Variants in DOCK3 observed in about 807,000 individuals in gnomAD.
DOCK3 encodes the protein dedicator of cytokinesis 3, also known as dedicator of cytokinesis protein 3.
A neutral mutation model predicts 265.6 loss-of-function variants in DOCK3; 60 were observed. The ratio of observed to expected loss-of-function variants is 0.23; its 90% CI spans 0.18 to 0.28. The LOEUF (loss-of-function observed/expected upper bound fraction) is 0.28. DOCK3 is among the 10% of genes least tolerant of loss of function. DOCK3 has a pLI of 1.00. For synonymous variants in DOCK3, 881 were observed against 938.0 expected, an observed-to-expected ratio of 0.94 and a Z score of 1.11; for missense variants, 1,981 against 2,594.3, an observed-to-expected ratio of 0.76 and a Z score of 5.14.
chr3:50,817,610 C>T (rs753525236), intron 2 of DOCK3, among the ~76,000 whole-genome samples: 22 of 152,060 alleles, frequency 1.4e-4, no homozygotes, highest in Non-Finnish European at 3.1e-4. Context: ...TTTTCATTTT[C>T]TAAGAGCATT....
At chr3:50,977,877 G>T (rs900637536) in intron 5 of DOCK3, among the ~76,000 whole-genome samples, 2 of 151,224 alleles carry the variant, frequency 1.3e-5, no homozygotes, top group African/African-American at 2.4e-5. Flanking sequence ...TTCCCTTCTC[G>T]CTTCATTTCA....
At chr3:51,016,544 TA>T (rs1309741697) in intron 5 of DOCK3, among the ~76,000 whole-genome samples, 1 of 16,082 alleles carries the variant, frequency 6.2e-5, no homozygotes, top group Non-Finnish European at 8.6e-5. Context: ...ATGATATATA[TA>T]TTTATATATA....
intron 5 of DOCK3, among the ~76,000 whole-genome samples, chr3:51,049,772 G>GT (rs1461582325): frequency 6.6e-6 from 1 of 151,002 alleles, no homozygotes; most frequent in Non-Finnish European, 1.5e-5. Flanking sequence ...ATGACCTTAT[G>GT]TGTAGAAAGC....
At chr3:51,297,991 C>T (rs192746487) in intron 27 of DOCK3, among the ~76,000 whole-genome samples, 1 of 150,784 alleles carries the variant, frequency 6.6e-6, no homozygotes, top group East Asian at 1.9e-4. Flanking sequence ...ATCTCAAAAA[C>T]AAAAAAAGAG....
intron 5 of DOCK3, among the ~76,000 whole-genome samples, chr3:51,047,310 A>G (rs901512295): frequency 4.0e-5 from 6 of 151,784 alleles, no homozygotes; most frequent in African/African-American, 7.3e-5. Flanking sequence ...AATGTAAATG[A>G]TGAGTTAATG....
intron 1 of DOCK3, chr3:50,719,662 T>A (rs2037353331): frequency 1.3e-6 from 2 of 1,568,894 alleles, no homozygotes; most frequent in Admixed American, 1.7e-5. Flanking sequence ...CCATTTGTGT[T>A]GGGTCCAGCA....
intron 9 of DOCK3, among the ~76,000 whole-genome samples, chr3:51,113,035 T>TTATAA (rs2083586651): frequency 6.6e-6 from 1 of 152,152 alleles, no homozygotes; most frequent in Non-Finnish European, 1.5e-5. Flanking sequence ...ATCTATAATA[T>TTATAA]TCTTCTTGTT....
chr3:51,175,428 C>T (rs938427893), intron 12 of DOCK3, among the ~76,000 whole-genome samples: 1 of 152,178 alleles, frequency 6.6e-6, no homozygotes, highest in East Asian at 1.9e-4. Flanking sequence ...CAAAGGTCTG[C>T]AGGTCTGCCT....
intron 49 of DOCK3, among the ~76,000 whole-genome samples, chr3:51,373,685 C>G (rs1283560715): frequency 2.6e-5 from 4 of 152,212 alleles, no homozygotes; most frequent in African/African-American, 9.6e-5. Flanking sequence ...GAAATCACTG[C>G]AGAGGCCTCA....
chr3:51,022,868 A>G (rs760262913), intron 5 of DOCK3, among the ~76,000 whole-genome samples: 1 of 152,168 alleles, frequency 6.6e-6, no homozygotes, highest in African/African-American at 2.4e-5. Flanking sequence ...ATATGGTGAG[A>G]GGTAGGGGCC....
intron 3 of DOCK3, among the ~76,000 whole-genome samples, chr3:50,884,293 G>A (rs2048216913): frequency 6.6e-6 from 1 of 150,734 alleles, no homozygotes; most frequent in Non-Finnish European, 1.5e-5. Flanking sequence ...ATTTCGCCAT[G>A]TTGGCAAAGC....
chr3:51,275,252 C>G, intron 25 of DOCK3, 46 bp downstream of exon 25: 2 of 1,610,106 alleles, frequency 1.2e-6, no homozygotes, highest in Non-Finnish European at 1.7e-6. Context: ...CTTCCCTAGT[C>G]TTGTGTTACT....
chr3:50,986,701 A>C (rs2077916142), intron 5 of DOCK3, among the ~76,000 whole-genome samples: 1 of 152,238 alleles, frequency 6.6e-6, no homozygotes, highest in African/African-American at 2.4e-5. Context: ...TTATATTTTA[A>C]AATGTATATT....
chr3:50,803,803 C>T (rs942936452), intron 2 of DOCK3, among the ~76,000 whole-genome samples: 4 of 151,696 alleles, frequency 2.6e-5, no homozygotes, highest in African/African-American at 7.3e-5. Flanking sequence ...TGCCCCCCAC[C>T]TCCCTCCTGG....
intron 1 of DOCK3, among the ~76,000 whole-genome samples, chr3:50,731,546 C>T (rs1358311889): frequency 6.6e-6 from 1 of 152,078 alleles, no homozygotes; most frequent in Non-Finnish European, 1.5e-5. Flanking sequence ...GATCCAAAAA[C>T]AGCTCTTTAA....
intron 46 of DOCK3, among the ~76,000 whole-genome samples, chr3:51,358,949 A>G (rs2086550618): frequency 6.6e-6 from 1 of 152,232 alleles, no homozygotes; most frequent in Non-Finnish European, 1.5e-5. Flanking sequence ...CCTTCCTGCT[A>G]AACAGGCTGG....
intron 7 of DOCK3, among the ~76,000 whole-genome samples, chr3:51,077,376 A>G (rs573592792): frequency 7.9e-5 from 12 of 152,156 alleles, no homozygotes; most frequent in Non-Finnish European, 1.5e-4. Context: ...CATTTTTAAA[A>G]GATGCCTTTG....
At chr3:51,313,912 C>T (rs1156318328) in intron 31 of DOCK3, among the ~76,000 whole-genome samples, 2 of 152,132 alleles carry the variant, frequency 1.3e-5, no homozygotes, top group African/African-American at 2.4e-5. Context: ...GTGCCAAGTA[C>T]CAAAATTGGA....
chr3:51,314,572 A>G (rs1393541758), intron 31 of DOCK3, among the ~76,000 whole-genome samples: 1 of 152,212 alleles, frequency 6.6e-6, no homozygotes, highest in Non-Finnish European at 1.5e-5. Flanking sequence ...TAGAAACTCC[A>G]AGGAGAGTGC....
Sources: allele counts gnomAD v4.1 joint callset (sites outside exome capture counted in the v4.1 genomes callset), GRCh38; gene constraint gnomAD v4.1.1; transcripts MANE v1.5; gene names NCBI Gene and HGNC (gene_info 2026-07-23, HGNC 2026-07-21).